IL1RAPL1: variants seen among roughly 807,000 people sequenced by gnomAD.
The protein encoded by IL1RAPL1 is interleukin-1 receptor accessory protein-like 1.
IL1RAPL1 carries 3 observed loss-of-function variants against 48.4 expected under a neutral mutation model. The observed-to-expected ratio is 0.06, with a 90% CI of 0.03 to 0.16. The LOEUF (loss-of-function observed/expected upper bound fraction) is 0.16. Among genes scored for constraint, IL1RAPL1 ranks in the 10% least tolerant of loss-of-function variants. IL1RAPL1 has a pLI of 1.00. For synonymous variants in IL1RAPL1, 185 were observed against 187.7 expected (o/e 0.99, Z 0.12); for missense variants, 349 against 530.6 (o/e 0.66, Z 3.36).
At chrX:28,670,479 A>G (rs1326870014) in intron 1 of IL1RAPL1, among the ~76,000 whole-genome samples, 2 of 112,122 alleles carry the variant, frequency 1.8e-5, no homozygotes, top group Admixed American at 9.5e-5. Flanking sequence ...TTTCAGGTTT[A>G]TTTGGACTCT....
At chrX:29,379,276 G>T (rs1389621519) in intron 3 of IL1RAPL1, among the ~76,000 whole-genome samples, 1 of 112,442 alleles carries the variant, frequency 8.9e-6, no homozygotes, top group Non-Finnish European at 1.9e-5. Flanking sequence ...GGGGTATCCA[G>T]GTAGAGGCTC....
intron 5 of IL1RAPL1, among the ~76,000 whole-genome samples, chrX:29,654,981 T>C (rs1925633388): frequency 8.9e-6 from 1 of 111,887 alleles, no homozygotes; most frequent in Non-Finnish European, 1.9e-5. Context: ...AAATTCACTT[T>C]CTTTTTGGTT....
At chrX:29,241,405 C>G (rs1931419724) in intron 2 of IL1RAPL1, among the ~76,000 whole-genome samples, 1 of 111,482 alleles carries the variant, frequency 9.0e-6, no homozygotes, top group African/African-American at 3.3e-5. Flanking sequence ...TGCCTCATTT[C>G]TCTCATTTAA....
intron 1 of IL1RAPL1, among the ~76,000 whole-genome samples, chrX:28,779,634 G>A (rs4587500): frequency 0.31 from 11,984 of 38,139 alleles, 1,246 homozygotes; most frequent in South Asian, 0.46. Context: ...GTGTGTGTGT[G>A]TATATATATA....
chrX:29,282,971 A>G lies in IL1RAPL1; in HGVS notation c.116A>G (p.Lys39Arg), dbSNP rs1043539585. ...DGCTDWSIDI[K>R]KYQVLVGEPV... ...TGCACTGACTGGTCTATCGATATCA[A>G]GAAATATCAAGTTTTGGTGGGAGAG... is the stretch of plus-strand genomic sequence containing the variant. The change falls in exon 3 of 11, where the codon AAG becomes AGG. Residue 39 changes from lysine (K) to arginine (R), a missense_variant. This residue lies in a region of IL1RAPL1 where 238 missense variants were observed against 337.8 expected (regional missense o/e 0.70). Transcript: ENST00000378993. The G allele has an allele frequency of 3.3e-6, 4 of 1,209,362 alleles. No homozygotes were observed. The African/African-American group carries it at 7.0e-5, about 21-fold the overall frequency.
At chrX:29,908,618 A>G (rs1932696255) in intron 6 of IL1RAPL1, among the ~76,000 whole-genome samples, 1 of 111,394 alleles carries the variant, frequency 9.0e-6, no homozygotes, top group Non-Finnish European at 1.9e-5. Flanking sequence ...ACGTGATTAT[A>G]TTTTGTTTAA....
intron 2 of IL1RAPL1, among the ~76,000 whole-genome samples, chrX:29,226,706 A>T (rs765896880): frequency 1.8e-5 from 2 of 109,680 alleles, no homozygotes; most frequent in South Asian, 7.8e-4. Flanking sequence ...AAGTGCAGGG[A>T]TTACAGGCGT....
intron 2 of IL1RAPL1, among the ~76,000 whole-genome samples, chrX:28,799,002 C>G (rs1201084919): frequency 1.8e-5 from 2 of 111,787 alleles, no homozygotes; most frequent in Non-Finnish European, 3.8e-5. Context: ...GTCTGTGTTC[C>G]TTTCAACAAA....
intron 3 of IL1RAPL1, among the ~76,000 whole-genome samples, chrX:29,310,834 A>G (rs755732340): frequency 1.8e-5 from 2 of 112,169 alleles, no homozygotes; most frequent in South Asian, 7.3e-4. Flanking sequence ...CAGGAGAAAT[A>G]TTTACCTTGA....
At chrX:28,691,866 C>T (rs1222651073) in intron 1 of IL1RAPL1, among the ~76,000 whole-genome samples, 1 of 111,265 alleles carries the variant, frequency 9.0e-6, no homozygotes. Flanking sequence ...TTTTGTGTTG[C>T]TATAAAGGCA....
chrX:29,384,346 C>T lies in IL1RAPL1; in HGVS notation c.363-11912C>T, dbSNP rs377190152. 2.7e-5 allele frequency among the ~76,000 whole-genome samples: 3 copies of T among 111,817 alleles called. No homozygotes were observed. In the East Asian group the frequency reaches 8.4e-4, roughly 31 times the overall value. ...TAGATCCCCTCTTGTAAAAATTCATCACCAATGCCATTTGTGAGGAGAAAC... is the reference window on the plus strand; with the variant it reads ...TAGATCCCCTCTTGTAAAAATTCATTACCAATGCCATTTGTGAGGAGAAAC... On this transcript the variant is annotated intron_variant, in intron 3 of 10. Coordinates refer to ENST00000378993, the MANE Select transcript of IL1RAPL1 (RefSeq NM_014271.4).
chrX:28,720,736 G>A (rs1270333193), intron 1 of IL1RAPL1, among the ~76,000 whole-genome samples: 4 of 111,298 alleles, frequency 3.6e-5, no homozygotes, highest in African/African-American at 1.3e-4. Flanking sequence ...ATCTCCTAAT[G>A]CTTTCCCTCC....
At chrX:28,747,855 ACAT>A (rs759575965) in intron 1 of IL1RAPL1, among the ~76,000 whole-genome samples, 34 of 111,550 alleles carry the variant, frequency 3.0e-4, no homozygotes, top group Non-Finnish European at 5.8e-4. Flanking sequence ...TGATTCTGGA[ACAT>A]TGTCTACCAT....
intron 2 of IL1RAPL1, among the ~76,000 whole-genome samples, chrX:28,991,045 G>A (rs1425338105): frequency 9.0e-6 from 1 of 111,641 alleles, no homozygotes; most frequent in Non-Finnish European, 1.9e-5. Flanking sequence ...AATCAGAAAT[G>A]TATAGTTTGT....
intron 1 of IL1RAPL1, among the ~76,000 whole-genome samples, chrX:28,610,937 C>T (rs951198857): frequency 9.0e-6 from 1 of 111,206 alleles, no homozygotes. Context: ...CCAGCTAATG[C>T]GCGTACCCTC....
At chrX:29,657,556 G>A (rs1407246844) in intron 5 of IL1RAPL1, among the ~76,000 whole-genome samples, 3 of 112,122 alleles carry the variant, frequency 2.7e-5, no homozygotes, top group African/African-American at 9.7e-5. Context: ...GTGATATCCT[G>A]AGACAAGCAG....
At chrX:29,349,546 T>C (rs1422235200) in intron 3 of IL1RAPL1, among the ~76,000 whole-genome samples, 1 of 111,535 alleles carries the variant, frequency 9.0e-6, no homozygotes, top group African/African-American at 3.3e-5. Flanking sequence ...TGAAGCTGTT[T>C]TTGAGGCTTT....
chrX:29,022,574 A>G (rs923096522), intron 2 of IL1RAPL1, among the ~76,000 whole-genome samples: 2 of 111,891 alleles, frequency 1.8e-5, no homozygotes, highest in African/African-American at 6.5e-5. Context: ...ATGTGTCATA[A>G]TGATAAGTTT....
intron 2 of IL1RAPL1, among the ~76,000 whole-genome samples, chrX:28,896,725 G>T (rs1440983196): frequency 9.1e-6 from 1 of 110,372 alleles, no homozygotes; most frequent in Non-Finnish European, 1.9e-5. Context: ...AGAAAAGGAA[G>T]ATTAGAAAGA....
Sources: allele counts gnomAD v4.1 joint callset (sites outside exome capture counted in the v4.1 genomes callset), GRCh38; gene constraint gnomAD v4.1.1; regional missense constraint gnomAD v4.1.1; transcripts MANE v1.5; gene names NCBI Gene and HGNC (gene_info 2026-07-23, HGNC 2026-07-21).